Variants in SRXN1 observed in about 807,000 individuals in gnomAD.
SRXN1 encodes sulfiredoxin 1, also known as sulfiredoxin-1.
A neutral mutation model predicts 11.0 loss-of-function variants in SRXN1; 11 were observed. The ratio of observed to expected loss-of-function variants is 1.00; its 90% confidence interval spans 0.63 to 1.65. The LOEUF is 1.65. Among genes scored for constraint, SRXN1 ranks in the 40% most tolerant of loss-of-function variants. SRXN1 has a pLI of 0.00. For missense variants in SRXN1, 211 were observed against 194.5 expected, an observed-to-expected ratio of 1.08 and a Z score of -0.50; for synonymous variants, 106 against 92.8, an observed-to-expected ratio of 1.14 and a Z score of -0.82.
chr20:648,602 G>T lies in SRXN1; in HGVS notation c.*112C>A. The T allele has an allele frequency of 2.5e-6, 3 of 1,223,812 alleles. No homozygotes were observed. The highest frequency in any genetic ancestry group is 3.5e-6 in the Non-Finnish European group (3 of 848,790). 75.8% of individuals were successfully genotyped at this position (1,223,812 alleles called of 1,614,324 possible). Reference sequence around the variant, plus strand: ...GGGGTGCCCAGAGTCAGACCCTCTCGCCAGGTGCAAAGAGAATGCACCCCT... The same window carrying T: ...GGGGTGCCCAGAGTCAGACCCTCTCTCCAGGTGCAAAGAGAATGCACCCCT... On this transcript the variant is annotated 3_prime_UTR_variant, in exon 2 of 2. Transcript: ENST00000381962.
intron 1 of SRXN1, among the ~76,000 whole-genome samples, chr20:652,281 C>T (rs548300749): frequency 2.0e-5 from 3 of 152,218 alleles, no homozygotes; most frequent in African/African-American, 7.2e-5. Context: ...ATCTCATGTG[C>T]TCACCTTCCA....
chr20:652,121 G>T (rs1983688490), intron 1 of SRXN1, among the ~76,000 whole-genome samples: 1 of 152,198 alleles, frequency 6.6e-6, no homozygotes, highest in Non-Finnish European at 1.5e-5. Flanking sequence ...CTGACCAAGG[G>T]TGATCAAGGA....
Position 648,569 on chromosome 20 carries a change from T to C in SRXN1, c.*145A>G, listed in dbSNP as rs3746799. On this transcript the variant is annotated 3_prime_UTR_variant, in exon 2 of 2. Transcript: ENST00000381962. ...TACAGTGAGTCCAAGGCCTTGTAGC[T>C]GGTGAGAGGGGTGCCCAGAGTCAGA... The C allele has an allele frequency of 0.64, 554,801 of 868,972 alleles. 179,298 individuals carry two copies. The highest frequency in any genetic ancestry group is 0.67 in the Non-Finnish European group (366,444 of 546,750). 53.8% of individuals were successfully genotyped at this position (868,972 alleles called of 1,614,324 possible). A position where few individuals can be genotyped will look rare whatever the true frequency, so the allele number is the denominator to read the frequency against.
chr20:651,813 G>A (rs571732253), intron 1 of SRXN1, among the ~76,000 whole-genome samples: 5 of 152,098 alleles, frequency 3.3e-5, no homozygotes, highest in East Asian at 1.9e-4. Flanking sequence ...CAGGAAGACC[G>A]AGAAAGAGTG....
In SRXN1 at chr20:653,041, G is replaced by A. The variant is rs1032821155; in HGVS notation, c.145C>T (p.Leu49Phe). 4.5e-6 allele frequency: 7 copies of A among 1,566,052 alleles called. No individual in the cohort carries two copies. The African/African-American group carries it at 8.2e-5, about 18-fold the overall frequency. Residue 49 changes from leucine (L) to phenylalanine (F), a missense_variant, in exon 1 of 2, where the codon CTC (leucine) becomes TTC (phenylalanine). Coordinates refer to ENST00000381962, the MANE Select transcript of SRXN1 (RefSeq NM_080725.3). ...AAVHNVPLSV[L>F]IRPLPSVLDP... ...AACACGGACGGCAGCGGCCGGATGA[G>A]CACGCTCAGCGGCACGTTGTGCACC...
chr20:652,863 C>T (rs1983708168), intron 1 of SRXN1, 113 bp downstream of exon 1: 1 of 1,294,090 alleles, frequency 7.7e-7, no homozygotes, highest in Non-Finnish European at 9.9e-7. Flanking sequence ...GGCTGAGCTC[C>T]GGCTGGGCCC....
At position 648,874 on chromosome 20, in the gene SRXN1, T is replaced by A; in HGVS notation, c.254A>T (p.Lys85Ile). The A allele has an allele frequency of 6.2e-7, 1 of 1,614,188 alleles. No individual in the cohort carries two copies. The highest frequency in any genetic ancestry group is 8.5e-7 in the Non-Finnish European group (1 of 1,180,048). ...SVPPIDVLWI[K>I]GAQGGDYFYS... is the part of the protein sequence containing the mutation. ...GAAGTAGTCACCTCCCTGGGCCCCTTTGATCCAGAGGACATCGATGGGGGG... is the reference window on the plus strand; with the variant it reads ...GAAGTAGTCACCTCCCTGGGCCCCTATGATCCAGAGGACATCGATGGGGGG... Residue 85 changes from lysine to isoleucine, a missense_variant, in exon 2 of 2, where the codon AAA becomes ATA. Transcript: ENST00000381962.
chr20:648,969 T>C (rs773813510), intron 1 of SRXN1, 52 bp from the exon 2 acceptor site: 4 of 1,594,332 alleles, frequency 2.5e-6, no homozygotes, highest in Non-Finnish European at 2.6e-6. Flanking sequence ...CTTGAGAGTT[T>C]GTAAAGCAGA....
At chr20:648,994 G>A in intron 1 of SRXN1, 77 bp from the exon 2 acceptor site, 1 of 1,490,832 alleles carries the variant, frequency 6.7e-7, no homozygotes, top group Non-Finnish European at 9.2e-7. Flanking sequence ...GTCCACTTGT[G>A]CTGAGCTCCT....
chr20:651,303 A>T (rs1983665349), intron 1 of SRXN1, among the ~76,000 whole-genome samples: 1 of 152,216 alleles, frequency 6.6e-6, no homozygotes, highest in Admixed American at 6.5e-5. Flanking sequence ...GGTAACTTAC[A>T]GTGGCCCCAG....
Position 648,875 on chromosome 20 carries a change from T to C in SRXN1, c.253A>G (p.Lys85Glu). Residue 85 changes from lysine (K) to glutamate (E), a missense_variant, in exon 2 of 2, where the codon AAA (lysine) becomes GAA (glutamate). Transcript: ENST00000381962. Reference sequence around the variant, plus strand: ...AAGTAGTCACCTCCCTGGGCCCCTTTGATCCAGAGGACATCGATGGGGGGC... The same window carrying C: ...AAGTAGTCACCTCCCTGGGCCCCTTCGATCCAGAGGACATCGATGGGGGGC... Reference protein sequence around the residue: ...SVPPIDVLWIKGAQGGDYFYS... With the variant: ...SVPPIDVLWIEGAQGGDYFYS... 1 of 1,614,190 alleles carries C rather than the reference T, an allele frequency of 6.2e-7. No individual in the cohort carries two copies. The highest frequency in any genetic ancestry group is 8.5e-7 in the Non-Finnish European group (1 of 1,180,036).
At chr20:650,254 G>A (rs6116952) in intron 1 of SRXN1, among the ~76,000 whole-genome samples, 65,144 of 151,988 alleles carry the variant, frequency 0.43, 14,228 homozygotes, top group South Asian at 0.52. Context: ...GGGCTGGAAG[G>A]CAGAGGGGAG....
rs1600464281 is a variant in SRXN1, at chr20:648,521, T to G, written c.*193A>C. Reference sequence around the variant, plus strand: ...GGCCATGATCCTATTGTCACAGAGGTGGGAACTGGGGCTCCCACACTGTAC... The same window carrying G: ...GGCCATGATCCTATTGTCACAGAGGGGGGAACTGGGGCTCCCACACTGTAC... On this transcript the variant is annotated 3_prime_UTR_variant, in exon 2 of 2. Coordinates refer to ENST00000381962, the MANE Select transcript of SRXN1 (RefSeq NM_080725.3). 5 of 664,056 alleles carry G rather than the reference T, an allele frequency of 7.5e-6. No individual in the cohort carries two copies. The South Asian group carries it at 8.6e-5, about 11-fold the overall frequency. 41.1% of individuals were successfully genotyped at this position (664,056 alleles called of 1,614,324 possible). A position where few individuals can be genotyped will look rare whatever the true frequency, so the allele number is the denominator to read the frequency against.
intron 1 of SRXN1, among the ~76,000 whole-genome samples, chr20:649,619 T>C (rs559351230): frequency 2.0e-4 from 30 of 152,052 alleles, no homozygotes; most frequent in African/African-American, 6.0e-4. Flanking sequence ...GGAGAATCAC[T>C]TGAACCCAGG....
In SRXN1 at chr20:648,433, C is replaced by T; in HGVS notation, c.*281G>A. ...GATCCTTGTCCTTGGGAATTTGGAG[C>T]CGGCAGCACGTGGCTCTTCAAGCCC... On this transcript the variant is annotated 3_prime_UTR_variant, in exon 2 of 2. Transcript: ENST00000381962. 1.7e-6 allele frequency: 1 copy of T among 599,668 alleles called. No individual in the cohort carries two copies. Among genetic ancestry groups the T allele is most frequent in the Non-Finnish European group, 3.1e-6 (1 of 319,102 alleles). 37.1% of individuals were successfully genotyped at this position (599,668 alleles called of 1,614,324 possible).
At chr20:649,025 C>T in intron 1 of SRXN1, 108 bp from the exon 2 acceptor site, 1 of 1,153,106 alleles carries the variant, frequency 8.7e-7, no homozygotes, top group Non-Finnish European at 1.2e-6. Context: ...TCACACTGGA[C>T]TACTGTGAGA....
rs1568637951 is a variant in SRXN1, at chr20:647,990, G to A, written c.*724C>T. On this transcript the variant is annotated 3_prime_UTR_variant, in exon 2 of 2. Transcript: ENST00000381962. ...TGTCTTAGCTTTGTTTGCAGCTAGA[G>A]GTGCAATGGTAGCTGGCTCGGGCCA... 2.3e-6 allele frequency: 1 copy of A among 436,252 alleles called. No homozygotes were observed. Among genetic ancestry groups the A allele is most frequent in the Non-Finnish European group, 4.6e-6 (1 of 216,152 alleles). 27.0% of individuals were successfully genotyped at this position (436,252 alleles called of 1,614,324 possible).
chr20:652,890 G>A (rs912180093), intron 1 of SRXN1, 86 bp downstream of exon 1: 33 of 1,305,700 alleles, frequency 2.5e-5, no homozygotes, highest in Middle Eastern at 2.0e-4. Flanking sequence ...AGTCCGTCTC[G>A]CGTCCATCGC....
At chr20:651,683 TAA>T (rs61107831) in intron 1 of SRXN1, among the ~76,000 whole-genome samples, 231 of 118,198 alleles carry the variant, frequency 2.0e-3, no homozygotes, top group African/African-American at 6.3e-3. Context: ...GACAACGTCT[TAA>T]AAAAAAAAAA....
Sources: allele counts gnomAD v4.1 joint callset (sites outside exome capture counted in the v4.1 genomes callset), GRCh38; gene constraint gnomAD v4.1.1; transcripts MANE v1.5; gene names NCBI Gene and HGNC (gene_info 2026-07-23, HGNC 2026-07-21).